The following NEBL variants were observed in gnomAD, a reference collection of about 807,000 sequenced individuals.
NEBL encodes LIM and SH3 protein 2.
NEBL carries 122 observed loss-of-function variants against 140.2 expected under a neutral mutation model. The ratio of observed to expected loss-of-function variants is 0.87; its 90% CI spans 0.75 to 1.01. The LOEUF (loss-of-function observed/expected upper bound fraction) is 1.01. Ranked by LOEUF, NEBL falls within the 50% of genes least tolerant of loss-of-function variation. NEBL has a pLI of 0.00. For missense variants in NEBL, 1,365 were observed against 1,231.3 expected (o/e 1.11, Z -1.62); for synonymous variants, 436 against 398.9 (o/e 1.09, Z -1.11).
intron 7 of NEBL, among the ~76,000 whole-genome samples, chr10:20,866,655 T>TTAGC (rs1844327108): frequency 6.6e-6 from 1 of 152,160 alleles, no homozygotes; most frequent in Non-Finnish European, 1.5e-5. Flanking sequence ...ACTTCTCCCA[T>TTAGC]TAAATCCAAA....
intron 12 of NEBL, among the ~76,000 whole-genome samples, chr10:20,843,664 A>G (rs1039775573): frequency 1.3e-5 from 2 of 152,076 alleles, no homozygotes; most frequent in African/African-American, 4.8e-5. Flanking sequence ...AAAAAGCCTT[A>G]TGGCCAACTA....
chr10:20,824,614 T>G (rs1839659849), intron 18 of NEBL, among the ~76,000 whole-genome samples: 1 of 152,186 alleles, frequency 6.6e-6, no homozygotes, highest in South Asian at 2.1e-4. Context: ...CAACTTTCCA[T>G]TTGAATACTA....
chr10:21,010,049 A>C (rs74571893), intron 3 of NEBL, among the ~76,000 whole-genome samples: 4,240 of 152,212 alleles, frequency 0.028, 180 homozygotes, highest in African/African-American at 0.096. Context: ...AGTAGTGTCT[A>C]AGTAGTGTCC....
Position 21,173,891 on chromosome 10 carries a change from G to T in NEBL, c.-58C>A. 1 of 1,593,290 alleles carries T rather than the reference G, an allele frequency of 6.3e-7. No individual in the cohort carries two copies. The highest frequency in any genetic ancestry group is 1.1e-5 in the South Asian group (1 of 89,840). ...GCTGCTGGCTCCCAGGAGCCGCTGT[G>T]ACATCCCCCGGCGAGCCCCGCACCG... On this transcript the variant is annotated 5_prime_UTR_variant, in exon 1 of 7. Coordinates refer to the NEBL transcript ENST00000417816. This position sits in a 1 kb window ranked among gnomAD's most constrained non-coding sequence, Gnocchi z 5.7.
chr10:20,969,527 A>G (rs1223330358), intron 3 of NEBL, among the ~76,000 whole-genome samples: 3 of 150,012 alleles, frequency 2.0e-5, no homozygotes, highest in Non-Finnish European at 4.4e-5. Context: ...TACATTAAAA[A>G]TGACTTTTTT....
chr10:20,810,804 G>C (rs920352040), intron 24 of NEBL, among the ~76,000 whole-genome samples: 3 of 152,192 alleles, frequency 2.0e-5, no homozygotes, highest in African/African-American at 7.2e-5. Context: ...AATGGAACTG[G>C]AAATTTGCTT....
chr10:20,886,199 A>G (rs1294342253), intron 4 of NEBL, among the ~76,000 whole-genome samples: 2 of 152,124 alleles, frequency 1.3e-5, no homozygotes, highest in African/African-American at 4.8e-5. Context: ...TTTTTTTAAT[A>G]AGATTATCTA....
intron 2 of NEBL, among the ~76,000 whole-genome samples, chr10:21,072,820 G>C (rs546592583): frequency 1.3e-5 from 2 of 152,076 alleles, no homozygotes; most frequent in African/African-American, 2.4e-5. Flanking sequence ...ATAAAACTCC[G>C]TCTCTACTAA....
intron 1 of NEBL, among the ~76,000 whole-genome samples, chr10:21,291,335 G>A (rs906858019): frequency 4.6e-5 from 7 of 151,824 alleles, no homozygotes; most frequent in South Asian, 2.1e-4. Flanking sequence ...GTGAAACCCT[G>A]TCTCTACCAA....
intron 2 of NEBL, among the ~76,000 whole-genome samples, chr10:21,145,255 C>A (rs566044708): frequency 6.6e-6 from 1 of 152,314 alleles, no homozygotes; most frequent in South Asian, 2.1e-4. Context: ...TATAAGCCTT[C>A]TGGCTTGGCA....
chr10:21,267,219 G>A (rs974521283), intron 1 of NEBL, among the ~76,000 whole-genome samples: 3 of 151,994 alleles, frequency 2.0e-5, no homozygotes, highest in Admixed American at 6.6e-5. Context: ...CAGGTGATCC[G>A]CCCACCTCGG....
chr10:21,257,943 T>A (rs1346212817), intron 1 of NEBL, among the ~76,000 whole-genome samples: 2 of 151,882 alleles, frequency 1.3e-5, no homozygotes, highest in Non-Finnish European at 2.9e-5. Context: ...TACATACATA[T>A]ATTGTTTTTT....
intron 26 of NEBL, among the ~76,000 whole-genome samples, chr10:20,801,370 T>C (rs544017481): frequency 6.6e-6 from 1 of 151,936 alleles, no homozygotes; most frequent in Non-Finnish European, 1.5e-5. Flanking sequence ...CTAATTTTTG[T>C]ATTTTTAGTA....
intron 2 of NEBL, chr10:21,029,021 C>T (rs1043386909): frequency 1.5e-5 from 11 of 755,632 alleles, no homozygotes; most frequent in East Asian, 5.2e-5. Flanking sequence ...GCAAAAAAGA[C>T]GAATAAGAAG....
At chr10:21,145,502 G>A (rs1839849815) in intron 2 of NEBL, among the ~76,000 whole-genome samples, 2 of 152,164 alleles carry the variant, frequency 1.3e-5, no homozygotes, top group Non-Finnish European at 2.9e-5. Context: ...CTGACACTTA[G>A]GAACCACTCG....
chr10:21,150,573 TG>T (rs1840098097), intron 2 of NEBL, among the ~76,000 whole-genome samples: 1 of 152,222 alleles, frequency 6.6e-6, no homozygotes, highest in African/African-American at 2.4e-5. Context: ...CTCGTGGGGT[TG>T]TTTGGCAAAT....
chr10:21,034,659 G>C (rs907620645), intron 2 of NEBL, among the ~76,000 whole-genome samples: 1 of 152,208 alleles, frequency 6.6e-6, no homozygotes, highest in African/African-American at 2.4e-5. Flanking sequence ...TTGGGGAGAG[G>C]AGGAAACTGT....
At chr10:21,029,884 A>G in intron 2 of NEBL, 1 of 653,588 alleles carries the variant, frequency 1.5e-6, no homozygotes, top group Non-Finnish European at 2.8e-6. Context: ...CAGAGGAGGC[A>G]GGGACCGCTA....
At chr10:21,116,969 AC>A (rs1838311923) in intron 2 of NEBL, among the ~76,000 whole-genome samples, 1 of 151,948 alleles carries the variant, frequency 6.6e-6, no homozygotes, top group Non-Finnish European at 1.5e-5. Context: ...ACAGCACCCA[AC>A]CTGAATGACC....
Sources: gnomAD v4.1 joint callset for allele counts (sites outside exome capture counted in the v4.1 genomes callset) on GRCh38, gnomAD v4.1.1 for gene constraint, Gnocchi (gnomAD v3.1) non-coding constraint, MANE v1.5 for transcripts, NCBI Gene and HGNC (gene_info 2026-07-23, HGNC 2026-07-21) for gene names.